XIST: variants seen among roughly 807,000 people sequenced by gnomAD.
XIST encodes X inactive specific transcript (non-protein coding).
intron 3 of XIST, among the ~76,000 whole-genome samples, chrX:73,832,873 C>T (rs1922412677): frequency 9.0e-6 from 1 of 110,655 alleles, no homozygotes; most frequent in Non-Finnish European, 1.9e-5. Flanking sequence ...TGAAAACTGG[C>T]TCACGTTCTG....
chrX:73,838,057 A>T (rs1201112533), intron 1 of XIST, among the ~76,000 whole-genome samples: 1 of 111,754 alleles, frequency 8.9e-6, no homozygotes, highest in Non-Finnish European at 1.9e-5. Context: ...TGCTGTAAAA[A>T]ATAAGTCGTA....
intron 4 of XIST, among the ~76,000 whole-genome samples, chrX:73,829,956 C>CA (rs1040519753): frequency 7.3e-5 from 8 of 110,213 alleles, no homozygotes; most frequent in African/African-American, 2.6e-4. Flanking sequence ...GTTTTAAGAC[C>CA]CCTCAAGTTT....
chrX:73,826,946 C>A (rs1922269152), exon 6 of XIST: 1 of 556,808 alleles, frequency 1.8e-6, no homozygotes, highest in Non-Finnish European at 3.2e-6. Flanking sequence ...CAACTCAGGC[C>A]TTCGGTCCAA....
At chrX:73,841,876 A>G (rs1569512247) in exon 1 of XIST, 1 of 515,818 alleles carries the variant, frequency 1.9e-6, no homozygotes, top group Non-Finnish European at 3.5e-6. Flanking sequence ...TCTTCTTGAA[A>G]TAAGTAGGGG....
At chrX:73,834,993 CAAA>C (rs60685637) in intron 2 of XIST, among the ~76,000 whole-genome samples, 1 of 75,637 alleles carries the variant, frequency 1.3e-5, no homozygotes, top group East Asian at 4.3e-4. Flanking sequence ...AACTCCGTCT[CAAA>C]AAAAAAAAAA....
At chrX:73,842,289 AAAG>A (rs755691063) in exon 1 of XIST, 1 of 552,829 alleles carries the variant, frequency 1.8e-6, no homozygotes, top group Non-Finnish European at 3.3e-6. Flanking sequence ...TCTGCTCTGG[AAAG>A]AAGAATGCAG....
exon 6 of XIST, chrX:73,821,186 T>C (rs1922107083): frequency 3.6e-6 from 2 of 557,606 alleles, no homozygotes; most frequent in African/African-American, 2.2e-5. Flanking sequence ...ACTAAAAATG[T>C]ACAGAATGAA....
rs779328023 is a variant in XIST at position 73,845,929 on chromosome X, G to A, written n.6795C>T. On this transcript the variant is annotated non_coding_transcript_exon_variant, in exon 1 of 6. Coordinates refer to ENST00000429829, the Ensembl canonical transcript of XIST. ...GGCCTTGGTGATCAGCACCCCTGCT[G>A]TACTGCAAAAGGGGTCTGAGAGTAG... The A allele has an allele frequency of 5.6e-5, 31 of 556,313 alleles. No homozygotes were observed. The East Asian group carries it at 9.1e-4, about 16-fold the overall frequency. The allele number at this position is 556,313 out of a possible 1,213,427, so 45.8% of individuals were successfully genotyped here. A position where few individuals can be genotyped will look rare whatever the true frequency, so the allele number is the denominator to read the frequency against.
chrX:73,841,472 T>A (rs368572609), exon 1 of XIST: 84 of 556,438 alleles, frequency 1.5e-4, no homozygotes, highest in Admixed American at 3.1e-4. Flanking sequence ...TCTTTTGACA[T>A]CCTTCTCCGA....
At chrX:73,831,368 A>G in intron 3 of XIST, 1 of 421,719 alleles carries the variant, frequency 2.4e-6, no homozygotes, top group Non-Finnish European at 4.1e-6. Flanking sequence ...CCATATTTTT[A>G]CCCTTTTCTT....
At chrX:73,843,405 T>G (rs772589134) in exon 1 of XIST, 1 of 558,671 alleles carries the variant, frequency 1.8e-6, no homozygotes, top group Admixed American at 2.2e-5. Context: ...AGATTATGAG[T>G]AGTTAACACT....
chrX:73,830,363 T>A (rs1184467968), intron 4 of XIST, among the ~76,000 whole-genome samples: 1 of 111,911 alleles, frequency 8.9e-6, no homozygotes, highest in Non-Finnish European at 1.9e-5. Flanking sequence ...AAATATTTCA[T>A]GAAATTTATA....
At chrX:73,851,578 G>A (rs1399776448) in exon 1 of XIST, 1 of 559,014 alleles carries the variant, frequency 1.8e-6, no homozygotes, top group Non-Finnish European at 3.2e-6. Flanking sequence ...CTGCACCTTA[G>A]TCTTTCCTAA....
exon 6 of XIST, chrX:73,822,697 G>C (rs1922151691): frequency 1.9e-6 from 1 of 537,381 alleles, no homozygotes; most frequent in Non-Finnish European, 3.3e-6. Context: ...TGTTTTTGTT[G>C]CATCTCCAAG....
exon 1 of XIST, chrX:73,844,588 A>G (rs1358777989): frequency 1.8e-6 from 1 of 559,211 alleles, no homozygotes; most frequent in Non-Finnish European, 3.2e-6. Flanking sequence ...GTCCAAATGT[A>G]AGGGTCTTAT....
chrX:73,822,206 T>C (rs375612605), exon 6 of XIST: 151 of 556,805 alleles, frequency 2.7e-4, no homozygotes, highest in Non-Finnish European at 2.6e-5. Context: ...TCATTTTTCA[T>C]GAGGGATGGA....
rs1569511656 is a variant in XIST, at chrX:73,826,445, A to G, written n.13456T>C. ...GAATAGAAACAGAAGTTTACAAAAC[A>G]CTATAGCCTAACAAATAGGTAAAAG... On this transcript the variant is annotated non_coding_transcript_exon_variant, in exon 6 of 6. Transcript: ENST00000429829. The G allele has an allele frequency of 5.4e-6, 3 of 557,918 alleles. No individual in the cohort carries two copies. The South Asian group carries it at 6.7e-5, about 12-fold the overall frequency. 46.0% of individuals were successfully genotyped at this position (557,918 alleles called of 1,213,427 possible).
exon 6 of XIST, chrX:73,826,345 C>A: frequency 1.8e-6 from 1 of 559,083 alleles, no homozygotes; most frequent in Non-Finnish European, 3.2e-6. Context: ...TGAATGTCTG[C>A]TCCTGAGGGA....
exon 1 of XIST, chrX:73,850,289 T>G (rs746569438): frequency 1.8e-6 from 1 of 551,652 alleles, no homozygotes; most frequent in South Asian, 2.3e-5. Flanking sequence ...AAAAAAAGGT[T>G]AAGGAATTTG....
Sources: gnomAD v4.1 joint callset for allele counts (sites outside exome capture counted in the v4.1 genomes callset) on GRCh38, gnomAD v4.1.1 for gene constraint, MANE v1.5 for transcripts, NCBI Gene and HGNC (gene_info 2026-07-23, HGNC 2026-07-21) for gene names.